Variants in MACF1 observed in about 807,000 individuals in gnomAD.
MACF1 encodes microtubule-actin cross-linking factor 1.
In MACF1, 193 loss-of-function variants were observed where a neutral mutation model predicts 854.8. The ratio of observed to expected loss-of-function variants is 0.23; its 90% CI spans 0.20 to 0.25. The LOEUF (loss-of-function observed/expected upper bound fraction) is 0.25. Ranked by LOEUF, MACF1 falls within the 10% of genes least tolerant of loss-of-function variation. The pLI is 1.00. For missense variants in MACF1, 7,722 were observed against 8,929.1 expected (o/e 0.86, Z 5.45); for synonymous variants, 3,185 against 3,226.7 (o/e 0.99, Z 0.44).
chr1:39,421,184 G>A (rs973418260), intron 58 of MACF1, among the ~76,000 whole-genome samples: 3 of 152,074 alleles, frequency 2.0e-5, no homozygotes, highest in African/African-American at 7.2e-5. Flanking sequence ...TCTTAATGTG[G>A]CAGAAGTACC....
At chr1:39,281,597 C>A (rs868219327) in intron 6 of MACF1, among the ~76,000 whole-genome samples, 67 of 152,054 alleles carry the variant, frequency 4.4e-4, no homozygotes, top group African/African-American at 1.4e-3. Flanking sequence ...TTCAAGTGAT[C>A]CTCCCACCTC....
intron 52 of MACF1, among the ~76,000 whole-genome samples, chr1:39,376,335 T>C (rs1649718190): frequency 6.6e-6 from 1 of 152,236 alleles, no homozygotes; most frequent in African/African-American, 2.4e-5. Context: ...AAAATTACTA[T>C]CTTGAGTGCT....
In MACF1 at chr1:39,257,885, TCAAAA is replaced by T. The variant is rs774714740; in HGVS notation, c.436-45_436-41del. The T allele has an allele frequency of 2.2e-6, 3 of 1,378,042 alleles. No homozygotes were observed. The South Asian group carries it at 3.6e-5, about 17-fold the overall frequency. 85.4% of individuals were successfully genotyped at this position (1,378,042 alleles called of 1,614,324 possible). Reference sequence around the variant, plus strand: ...ATAATGAAGTGATGCAAAAATTTAATCAAAACAAAAAGTCCTAGAGCTCTGAGCCG... The same window carrying T: ...ATAATGAAGTGATGCAAAAATTTAATCAAAAAGTCCTAGAGCTCTGAGCCG... On this transcript the variant is annotated intron_variant, in intron 5 of 100. Transcript: ENST00000564288.
intron 88 of MACF1, among the ~76,000 whole-genome samples, chr1:39,454,449 G>T (rs761056670): frequency 6.6e-6 from 1 of 152,150 alleles, no homozygotes; most frequent in Non-Finnish European, 1.5e-5. Flanking sequence ...TCTTATCCCA[G>T]TTGTCACTGG....
Position 39,167,295 on chromosome 1 carries a change from G to T in MACF1, c.221-63887G>T, listed in dbSNP as rs150156816. Among the ~76,000 whole-genome samples, 484 of 151,964 alleles carry T rather than the reference G, an allele frequency of 3.2e-3. 3 individuals carry two copies. The highest frequency in any genetic ancestry group is 0.011 in the African/African-American group (454 of 41,504). Reference sequence around the variant, plus strand: ...GAAATCTTTCTAAAAGAGAATTTGGGCTGGGTGTGGTGGCTCATGGCTGTA... The same window carrying T: ...GAAATCTTTCTAAAAGAGAATTTGGTCTGGGTGTGGTGGCTCATGGCTGTA... On this transcript the variant is annotated intron_variant, in intron 2 of 93. Coordinates refer to the MACF1 transcript ENST00000361689.
intron 58 of MACF1, among the ~76,000 whole-genome samples, chr1:39,405,792 G>A (rs1333948378): frequency 1.3e-5 from 2 of 152,194 alleles, no homozygotes; most frequent in African/African-American, 2.4e-5. Flanking sequence ...TGTGGTTACA[G>A]GGGTGGGGGA....
intron 1 of MACF1, chr1:39,206,952 C>T (rs1201547041): frequency 6.6e-6 from 1 of 151,264 alleles, no homozygotes; most frequent in African/African-American, 2.4e-5. Context: ...TGATTAAAAA[C>T]ACAAAGATCG....
intron 35 of MACF1, among the ~76,000 whole-genome samples, chr1:39,325,442 G>T (rs1646591768): frequency 1.3e-5 from 2 of 152,212 alleles, no homozygotes; most frequent in Admixed American, 6.5e-5. Context: ...AAACAGAACT[G>T]CTCTTTCAAG....
At chr1:39,276,618 A>T (rs1394052620) in intron 6 of MACF1, among the ~76,000 whole-genome samples, 1 of 152,114 alleles carries the variant, frequency 6.6e-6, no homozygotes, top group East Asian at 1.9e-4. Context: ...CCCTTCAAGG[A>T]TGAGTTTATA....
At chr1:39,120,006 C>T (rs949200340) in intron 2 of MACF1, among the ~76,000 whole-genome samples, 3 of 151,082 alleles carry the variant, frequency 2.0e-5, no homozygotes, top group Non-Finnish European at 2.9e-5. Flanking sequence ...GCCTCAGCCT[C>T]CTGAGTAGCT....
At position 39,380,348 on chromosome 1, in the gene MACF1, T is replaced by C; in HGVS notation, c.13623T>C (p.Asn4541=). The C allele has an allele frequency of 1.2e-6, 2 of 1,613,144 alleles. No homozygotes were observed. Among genetic ancestry groups the C allele is most frequent in the Non-Finnish European group, 1.7e-6 (2 of 1,179,670 alleles). ...ATCCCAACTCACAGGAAGCAGAAAA[T>C]TGGAAGAAAATTCAGGAAGAACTCA... The part of the protein sequence containing the change: ...VTYPNSQEAE[N]WKKIQEELNS... The change falls in exon 55 of 101, where the codon AAT becomes AAC. Residue 4541 remains asparagine (N), a synonymous_variant. Coordinates refer to ENST00000564288, the MANE Select transcript of MACF1 (RefSeq NM_001394062.1).
rs1278910173 is a variant in MACF1 at position 39,347,032 on chromosome 1, A to G, written c.10637A>G (p.Asp3546Gly). The G allele has an allele frequency of 2.5e-6, 4 of 1,613,972 alleles. No homozygotes were observed. In the African/African-American group the frequency reaches 4.0e-5, roughly 16 times the overall value. The change falls in exon 41 of 101, where the codon GAT becomes GGT. Residue 3546 changes from aspartate to glycine, a missense_variant. Asp to Gly is a moderately conservative substitution (Grantham distance 94). Around this residue, in one of 15 missense-constraint regions of MACF1, gnomAD observed 854 missense variants for 852.6 expected, o/e 1.00. Coordinates refer to ENST00000564288, the MANE Select transcript of MACF1 (RefSeq NM_001394062.1). ...GCTCAGCTGGATGCTCTTGCTTTTG[A>G]TATTCAGTTCTTTATCTCAGAACAT... ...RKAQLDALAF[D>G]IQFFISEHAQ...
At chr1:39,278,056 G>T (rs1201198898) in intron 6 of MACF1, among the ~76,000 whole-genome samples, 1 of 152,202 alleles carries the variant, frequency 6.6e-6, no homozygotes, top group East Asian at 1.9e-4. Flanking sequence ...GGAAATTCAA[G>T]TGGAATTTGC....
Position 39,287,269 on chromosome 1 carries a change from C to G in MACF1, c.1509-17C>G. The G allele has an allele frequency of 6.3e-7, 1 of 1,599,142 alleles. No homozygotes were observed. Among genetic ancestry groups the G allele is most frequent in the African/African-American group, 1.4e-5 (1 of 73,810 alleles). On this transcript the variant is annotated splice_polypyrimidine_tract_variant and intron_variant, in intron 14 of 100. Coordinates refer to ENST00000564288, the MANE Select transcript of MACF1 (RefSeq NM_001394062.1). ...ATAGATTTAAATCCTTTCCTTTTTTCTCTTCTTCCATTTCAGGGTCATGCG... is the reference window on the plus strand; with the variant it reads ...ATAGATTTAAATCCTTTCCTTTTTTGTCTTCTTCCATTTCAGGGTCATGCG...
rs1200862122 is a variant in MACF1 at position 39,435,764 on chromosome 1, A to G, written c.17988+3A>G. On this transcript the variant is annotated splice_donor_region_variant and intron_variant, in intron 70 of 100. Transcript: ENST00000564288. ...AAGCCGTGTCCCAGTCCACACAGGT[A>G]TGTGTGTGTCTGACACTCATAACCT... 3 of 1,613,198 alleles carry G rather than the reference A, an allele frequency of 1.9e-6. No individual in the cohort carries two copies. Among genetic ancestry groups the G allele is most frequent in the African/African-American group, 1.3e-5 (1 of 74,888 alleles).
rs142481596 is a variant in MACF1, at chr1:39,237,689, C to T, written c.171+6446C>T. Among the ~76,000 whole-genome samples, 742 of 151,362 alleles carry T rather than the reference C, an allele frequency of 4.9e-3. 11 individuals carry two copies. The highest frequency in any genetic ancestry group is 4.7e-3 in the Non-Finnish European group (317 of 67,892). On this transcript the variant is annotated intron_variant, in intron 2 of 100. Transcript: ENST00000564288. ...AATCTTCTGATCAAAATTACTTGTT[C>T]TTCCTGCTAACTATGCCCCCAGCTG... is the stretch of plus-strand genomic sequence containing the variant.
chr1:39,318,762 C>T (rs1646459869), intron 30 of MACF1, 147 bp downstream of exon 30: 10 of 865,454 alleles, frequency 1.2e-5, no homozygotes, highest in Non-Finnish European at 1.7e-5. Flanking sequence ...GCAGGATCGT[C>T]CCAAGATACT....
intron 23 of MACF1, among the ~76,000 whole-genome samples, chr1:39,303,737 C>A (rs1453376077): frequency 6.7e-6 from 1 of 150,170 alleles, no homozygotes; most frequent in African/African-American, 2.4e-5. Context: ...GATGGCAGGC[C>A]CCTGTAATCC....
At chr1:39,464,350 T>C (rs1030736493) in intron 94 of MACF1, 2 of 153,052 alleles carry the variant, frequency 1.3e-5, no homozygotes, top group Non-Finnish European at 2.9e-5. Flanking sequence ...TAGATTGCAC[T>C]AAGAAACACA....
Sources: gnomAD v4.1 joint callset for allele counts (sites outside exome capture counted in the v4.1 genomes callset) on GRCh38, gnomAD v4.1.1 for gene constraint, gnomAD v4.1.1 regional missense constraint, MANE v1.5 for transcripts, NCBI Gene and HGNC (gene_info 2026-07-23, HGNC 2026-07-21) for gene names.